Variants in CNTNAP2 observed in about 807,000 individuals in gnomAD.
CNTNAP2 encodes the protein contactin associated protein 2.
A neutral mutation model predicts 155.2 loss-of-function variants in CNTNAP2; 98 were observed. The ratio of observed to expected loss-of-function variants is 0.63; its 90% confidence interval spans 0.54 to 0.75. The LOEUF is 0.75. Among genes scored for constraint, CNTNAP2 ranks in the 30% least tolerant of loss-of-function variants. The pLI is 0.00. For missense variants in CNTNAP2, 1,727 were observed against 1,688.1 expected, an observed-to-expected ratio of 1.02 and a Z score of -0.40; for synonymous variants, 651 against 631.2, an observed-to-expected ratio of 1.03 and a Z score of -0.47.
At chr7:148,339,149 A>C (rs966848306) in intron 21 of CNTNAP2, among the ~76,000 whole-genome samples, 3 of 152,014 alleles carry the variant, frequency 2.0e-5, no homozygotes, top group Admixed American at 1.3e-4. Flanking sequence ...CACGAAGTGT[A>C]AAAAAACTTT....
At chr7:146,843,527 G>C (rs726750) in intron 3 of CNTNAP2, among the ~76,000 whole-genome samples, 1 of 148,204 alleles carries the variant, frequency 6.7e-6, no homozygotes, top group Non-Finnish European at 1.5e-5. Context: ...TTAAGTACCA[G>C]TAAGCCTGCC....
intron 2 of CNTNAP2, among the ~76,000 whole-genome samples, chr7:146,784,412 T>C (rs1802539513): frequency 6.6e-6 from 1 of 152,210 alleles, no homozygotes; most frequent in South Asian, 2.1e-4. Flanking sequence ...GTAATTTTAG[T>C]TTAAACACAA....
rs554953887 is a variant in CNTNAP2 at position 147,899,296 on chromosome 7, C to T, written c.2099-4269C>T. On this transcript the variant is annotated intron_variant, in intron 13 of 23. Coordinates refer to ENST00000361727, the MANE Select transcript of CNTNAP2 (RefSeq NM_014141.6). ...TCAAGGCTGCAGTGAGTTATGATTG[C>T]TCCACTGCACTCCAGCCTGGGTGAC... Among the ~76,000 whole-genome samples, 6 of 152,238 alleles carry T rather than the reference C, an allele frequency of 3.9e-5. No individual in the cohort carries two copies. The East Asian group carries it at 9.7e-4, about 25-fold the overall frequency.
intron 2 of CNTNAP2, among the ~76,000 whole-genome samples, chr7:146,780,257 C>G (rs1802461887): frequency 6.6e-6 from 1 of 151,942 alleles, no homozygotes; most frequent in African/African-American, 2.4e-5. Context: ...GCGATCTCGG[C>G]TCACTGCAAG....
chr7:147,688,702 A>C (rs1442005390), intron 13 of CNTNAP2, among the ~76,000 whole-genome samples: 1 of 152,182 alleles, frequency 6.6e-6, no homozygotes, highest in Non-Finnish European at 1.5e-5. Flanking sequence ...CATAGGGAAA[A>C]GTTAGAGACC....
chr7:147,310,744 A>G (rs1795108797), intron 9 of CNTNAP2, among the ~76,000 whole-genome samples: 1 of 152,182 alleles, frequency 6.6e-6, no homozygotes, highest in Non-Finnish European at 1.5e-5. Flanking sequence ...AAAAAATTCA[A>G]AGAGACATGT....
chr7:147,336,623 G>T (rs1411172593), intron 9 of CNTNAP2, among the ~76,000 whole-genome samples: 1 of 152,106 alleles, frequency 6.6e-6, no homozygotes, highest in East Asian at 1.9e-4. Flanking sequence ...GAACATGAAG[G>T]TTTGGGGAGA....
intron 15 of CNTNAP2, among the ~76,000 whole-genome samples, chr7:147,981,817 G>GTGTGTGTGTGTGTGTGT (rs758963411): frequency 7.9e-5 from 11 of 139,004 alleles, no homozygotes; most frequent in African/African-American, 2.1e-4. Flanking sequence ...GTGTGTGTGT[G>GTGTGTGTGTGTGTGTGT]GTTTTTTTTT....
At chr7:147,718,069 A>G (rs1584917388) in intron 13 of CNTNAP2, among the ~76,000 whole-genome samples, 1 of 152,104 alleles carries the variant, frequency 6.6e-6, no homozygotes, top group East Asian at 1.9e-4. Flanking sequence ...CATCTTTGTA[A>G]TCATATTGCT....
At chr7:146,595,119 G>GA (rs1186734115) in intron 1 of CNTNAP2, among the ~76,000 whole-genome samples, 1 of 151,994 alleles carries the variant, frequency 6.6e-6, no homozygotes, top group African/African-American at 2.4e-5. Flanking sequence ...CAGCACATCA[G>GA]AAAAATGGAT....
chr7:146,276,083 T>C (rs536635691), intron 1 of CNTNAP2, among the ~76,000 whole-genome samples: 2 of 152,280 alleles, frequency 1.3e-5, no homozygotes, highest in East Asian at 3.9e-4. Context: ...CTAACCACAT[T>C]CCTAGAGACT....
At chr7:147,459,432 AC>A (rs1311974072) in intron 10 of CNTNAP2, among the ~76,000 whole-genome samples, 1 of 152,148 alleles carries the variant, frequency 6.6e-6, no homozygotes, top group African/African-American at 2.4e-5. Flanking sequence ...TGAATATGTC[AC>A]CTGACATGAC....
At chr7:146,632,065 T>G (rs1329294397) in intron 1 of CNTNAP2, among the ~76,000 whole-genome samples, 1 of 152,224 alleles carries the variant, frequency 6.6e-6, no homozygotes, top group Non-Finnish European at 1.5e-5. Context: ...CAAGGTAGTC[T>G]GGGCTTTGGT....
chr7:147,119,174 C>T (rs1801050618), intron 5 of CNTNAP2, among the ~76,000 whole-genome samples: 1 of 152,116 alleles, frequency 6.6e-6, no homozygotes, highest in South Asian at 2.1e-4. Context: ...TGAATTATAT[C>T]TAAAGATGTT....
At chr7:146,768,310 G>A (rs1233259043) in intron 1 of CNTNAP2, among the ~76,000 whole-genome samples, 1 of 151,382 alleles carries the variant, frequency 6.6e-6, no homozygotes, top group Non-Finnish European at 1.5e-5. Context: ...TTCCTCAAGA[G>A]GTCTTTTGTC....
At chr7:147,488,731 A>C (rs1798553778) in intron 11 of CNTNAP2, among the ~76,000 whole-genome samples, 1 of 152,148 alleles carries the variant, frequency 6.6e-6, no homozygotes, top group South Asian at 2.1e-4. Flanking sequence ...CTCTAGTTCA[A>C]GATGGAACAG....
intron 1 of CNTNAP2, among the ~76,000 whole-genome samples, chr7:146,382,036 G>A (rs1027436095): frequency 6.6e-6 from 1 of 152,166 alleles, no homozygotes; most frequent in African/African-American, 2.4e-5. Flanking sequence ...TCAGGTTGCT[G>A]TTTTGGTAGC....
intron 13 of CNTNAP2, among the ~76,000 whole-genome samples, chr7:147,874,749 A>T (rs2116706522): frequency 6.6e-6 from 1 of 152,128 alleles, no homozygotes; most frequent in African/African-American, 2.4e-5. Context: ...TTTCTTTTTT[A>T]TTGCATCATC....
At chr7:146,597,353 CATT>C (rs561100433) in intron 1 of CNTNAP2, among the ~76,000 whole-genome samples, 111 of 151,998 alleles carry the variant, frequency 7.3e-4, no homozygotes, top group Middle Eastern at 3.4e-3. Context: ...AGAATAATCT[CATT>C]GTTGGCTTTA....
Sources: allele counts gnomAD v4.1 joint callset (sites outside exome capture counted in the v4.1 genomes callset), GRCh38; gene constraint gnomAD v4.1.1; transcripts MANE v1.5; gene names NCBI Gene and HGNC (gene_info 2026-07-23, HGNC 2026-07-21).